The following RYR3 variants were observed in gnomAD, a reference collection of about 807,000 sequenced individuals.
RYR3 encodes brain ryanodine receptor-calcium release channel.
Under a neutral mutation model 584.3 loss-of-function variants are expected in RYR3, and 207 were observed. That is an observed-to-expected ratio of 0.35 (90% CI 0.32 to 0.40). The LOEUF is 0.40. Among genes scored for constraint, RYR3 ranks in the 10% least tolerant of loss-of-function variants. The probability of loss-of-function intolerance (pLI) is 1.00; values close to 1 mark genes in which losing one functional copy is unlikely to be tolerated. For missense variants in RYR3, 5,616 were observed against 6,089.2 expected (o/e 0.92, Z 2.59); for synonymous variants, 2,416 against 2,248.5 (o/e 1.07, Z -2.11).
intron 2 of RYR3, among the ~76,000 whole-genome samples, chr15:33,499,734 A>G (rs2596210): frequency 0.63 from 95,301 of 152,026 alleles, 29,971 homozygotes; most frequent in Middle Eastern, 0.7. Flanking sequence ...AACAGAAACT[A>G]AGTTACCTGC....
At chr15:33,660,652 G>A (rs991750998) in intron 34 of RYR3, among the ~76,000 whole-genome samples, 1 of 152,200 alleles carries the variant, frequency 6.6e-6, no homozygotes, top group Non-Finnish European at 1.5e-5. Flanking sequence ...AGCTCCTAGT[G>A]CCTGGTATTA....
chr15:33,686,121 C>CA (rs1327349115), intron 38 of RYR3, among the ~76,000 whole-genome samples: 1 of 151,974 alleles, frequency 6.6e-6, no homozygotes, highest in African/African-American at 2.4e-5. Flanking sequence ...ATAAGAGACA[C>CA]AAAAAACCCT....
At chr15:33,327,754 T>C (rs2140623474) in intron 1 of RYR3, among the ~76,000 whole-genome samples, 1 of 152,214 alleles carries the variant, frequency 6.6e-6, no homozygotes, top group South Asian at 2.1e-4. Flanking sequence ...CTCTCTCTCT[T>C]CCTTTCTTTT....
intron 27 of RYR3, among the ~76,000 whole-genome samples, chr15:33,640,244 G>A (rs540581175): frequency 2.9e-4 from 44 of 152,334 alleles, no homozygotes; most frequent in African/African-American, 9.9e-4. Flanking sequence ...AGGGTCCCCT[G>A]TCATTCTCTC....
intron 1 of RYR3, among the ~76,000 whole-genome samples, chr15:33,379,685 C>A (rs201822676): frequency 0.028 from 3,261 of 117,638 alleles, 56 homozygotes; most frequent in South Asian, 0.036. Flanking sequence ...CTCTCTCTCT[C>A]TCTATATATA....
At chr15:33,345,630 AC>A (rs1972362627) in intron 1 of RYR3, among the ~76,000 whole-genome samples, 1 of 152,204 alleles carries the variant, frequency 6.6e-6, no homozygotes, top group Admixed American at 6.5e-5. Flanking sequence ...CAGAGTACAG[AC>A]TTTGTATTCT....
At chr15:33,853,361 A>T (rs1207635668) in intron 95 of RYR3, among the ~76,000 whole-genome samples, 194 bp from the exon 96 acceptor site, 1 of 152,152 alleles carries the variant, frequency 6.6e-6, no homozygotes, top group African/African-American at 2.4e-5. Flanking sequence ...GTATCAGCTT[A>T]AAAAACAGTT....
Position 33,623,793 on chromosome 15 carries a change from T to C in RYR3, c.2358-14T>C, listed in dbSNP as rs751763661. 10 of 1,574,726 alleles carry C rather than the reference T, an allele frequency of 6.4e-6. No homozygotes were observed. In the South Asian group the frequency reaches 1.1e-4, roughly 18 times the overall value. ...TTTTTTAACCTCTGTATTTCTGCTA[T>C]CTTCAAATGACAGAGTACGTTTCCT... On this transcript the variant is annotated splice_polypyrimidine_tract_variant and intron_variant, in intron 19 of 103. Transcript: ENST00000634891.
chr15:33,409,390 A>AAGATT (rs1418019133), intron 1 of RYR3, among the ~76,000 whole-genome samples: 3 of 150,832 alleles, frequency 2.0e-5, no homozygotes, highest in Non-Finnish European at 1.5e-5. Flanking sequence ...TCCCAGAGAC[A>AAGATT]CTACCTAGAT....
chr15:33,316,442 A>G (rs1380871980), intron 1 of RYR3, among the ~76,000 whole-genome samples: 2 of 152,176 alleles, frequency 1.3e-5, no homozygotes, highest in African/African-American at 2.4e-5. Context: ...ACTTTAGTTA[A>G]TTTCCCACAA....
intron 67 of RYR3, among the ~76,000 whole-genome samples, chr15:33,793,127 A>C (rs1362086271): frequency 6.6e-5 from 10 of 152,220 alleles, no homozygotes; most frequent in African/African-American, 2.4e-4. Flanking sequence ...AAGCGCATTA[A>C]TAATTACAGG....
chr15:33,555,966 A>C (rs2141300763), intron 10 of RYR3, among the ~76,000 whole-genome samples: 1 of 152,312 alleles, frequency 6.6e-6, no homozygotes. Flanking sequence ...TAGATGAGAA[A>C]GTCTTAAGGG....
chr15:33,535,119 T>G (rs2055214233), intron 5 of RYR3, among the ~76,000 whole-genome samples: 1 of 152,232 alleles, frequency 6.6e-6, no homozygotes, highest in South Asian at 2.1e-4. Flanking sequence ...GTCTGTAATA[T>G]GACATTCTCC....
chr15:33,837,694 A>G lies in RYR3; in HGVS notation c.11714A>G (p.Asn3905Ser), dbSNP rs368271805. 7.5e-6 allele frequency: 12 copies of G among 1,607,544 alleles called. No individual in the cohort carries two copies. The highest frequency in any genetic ancestry group is 5.3e-5 in the African/African-American group (4 of 74,844). Residue 3905 changes from asparagine (N) to serine (S), a missense_variant, in exon 89 of 104, where the codon AAT becomes AGT. Physicochemically the swap from Asn to Ser is conservative, Grantham distance 46 (BLOSUM62 1). Transcript: ENST00000634891. ...MVDTLVESST[N>S]VEMILKFFDM... is the part of the protein sequence containing the mutation. Reference sequence around the variant, plus strand: ...GACACACTGGTAGAATCATCTACCAATGTAGAAATGATCTTGAAATTCTTT... The same window carrying G: ...GACACACTGGTAGAATCATCTACCAGTGTAGAAATGATCTTGAAATTCTTT...
Position 33,547,757 on chromosome 15 carries a change from C to G in RYR3, c.741-373C>G, listed in dbSNP as rs539876033. On this transcript the variant is annotated intron_variant, in intron 8 of 103. Transcript: ENST00000634891. ...TACATTTTTTAAAGATATAATAAAA[C>G]TACATCAGGGAGCTTGACCTGAAGG... Among the ~76,000 whole-genome samples, 7 of 152,274 alleles carry G rather than the reference C, an allele frequency of 4.6e-5. No homozygotes were observed. The East Asian group carries it at 1.4e-3, about 29-fold the overall frequency.
At chr15:33,857,309 G>T (rs536378144) in intron 98 of RYR3, among the ~76,000 whole-genome samples, 2 of 152,186 alleles carry the variant, frequency 1.3e-5, no homozygotes, top group South Asian at 4.2e-4. Flanking sequence ...CCCTCTCGCT[G>T]CCGCTTCCCC....
At chr15:33,746,180 C>G (rs1222224220) in intron 53 of RYR3, 23 bp downstream of exon 53, 1 of 1,478,708 alleles carries the variant, frequency 6.8e-7, no homozygotes, top group Admixed American at 1.9e-5. Flanking sequence ...CCTCTGGTAA[C>G]ACTGTGTGAC....
chr15:33,786,107 GC>G, intron 66 of RYR3, 125 bp downstream of exon 66: 1 of 754,080 alleles, frequency 1.3e-6, no homozygotes, highest in Non-Finnish European at 2.0e-6. Flanking sequence ...ACCTCCCCAT[GC>G]CCACCCCAGT....
intron 1 of RYR3, among the ~76,000 whole-genome samples, chr15:33,385,531 G>A (rs528865504): frequency 6.6e-6 from 1 of 152,032 alleles, no homozygotes; most frequent in East Asian, 1.9e-4. Flanking sequence ...ATTGTCCTAC[G>A]TTAAAAACAA....
Sources: allele counts gnomAD v4.1 joint callset (sites outside exome capture counted in the v4.1 genomes callset), GRCh38; gene constraint gnomAD v4.1.1; transcripts MANE v1.5; gene names NCBI Gene and HGNC (gene_info 2026-07-23, HGNC 2026-07-21).